Variants in CNTNAP2 observed in about 807,000 individuals in gnomAD.
The protein encoded by CNTNAP2 is contactin associated protein 2.
CNTNAP2 carries 98 observed loss-of-function variants against 155.2 expected under a neutral mutation model. The observed-to-expected ratio is 0.63, with a 90% CI of 0.54 to 0.75. CNTNAP2 has a LOEUF of 0.75. Among genes scored for constraint, CNTNAP2 ranks in the 30% least tolerant of loss-of-function variants. The pLI, the probability that CNTNAP2 is intolerant of heterozygous loss-of-function variation, is 0.00. For synonymous variants in CNTNAP2, 651 were observed against 631.2 expected (o/e 1.03, Z -0.47); for missense variants, 1,727 against 1,688.1 (o/e 1.02, Z -0.40).
At chr7:147,621,597 T>G (rs766539269) in intron 12 of CNTNAP2, among the ~76,000 whole-genome samples, 1 of 151,962 alleles carries the variant, frequency 6.6e-6, no homozygotes. Flanking sequence ...TAAGATAGTA[T>G]TTGGAAGCCC....
At chr7:147,864,482 G>C (rs140089772) in intron 13 of CNTNAP2, among the ~76,000 whole-genome samples, 87,950 of 149,190 alleles carry the variant, frequency 0.59, 26,177 homozygotes, top group Middle Eastern at 0.7. Flanking sequence ...TTGGTAGCTT[G>C]ATGGGGATGG....
chr7:147,011,040 C>A (rs138495625), intron 3 of CNTNAP2, among the ~76,000 whole-genome samples: 167 of 152,114 alleles, frequency 1.1e-3, no homozygotes, highest in African/African-American at 3.9e-3. Context: ...TGCCAAAATA[C>A]CTACCCTGAA....
chr7:147,194,544 G>T (rs988999323), intron 8 of CNTNAP2, among the ~76,000 whole-genome samples: 1 of 152,138 alleles, frequency 6.6e-6, no homozygotes, highest in Non-Finnish European at 1.5e-5. Flanking sequence ...CCCACCAACA[G>T]TGTAAAAGTG....
At chr7:147,698,285 G>C (rs138110033) in intron 13 of CNTNAP2, among the ~76,000 whole-genome samples, 14 of 152,102 alleles carry the variant, frequency 9.2e-5, no homozygotes, top group Admixed American at 1.3e-4. Context: ...TTATTTTTCA[G>C]TTATGGCTTT....
At chr7:146,446,520 A>C (rs1796404788) in intron 1 of CNTNAP2, among the ~76,000 whole-genome samples, 1 of 152,154 alleles carries the variant, frequency 6.6e-6, no homozygotes, top group African/African-American at 2.4e-5. Flanking sequence ...ATTCTTAAAA[A>C]CAAATCCCTA....
chr7:146,480,020 G>A (rs995247016), intron 1 of CNTNAP2, among the ~76,000 whole-genome samples: 8 of 152,042 alleles, frequency 5.3e-5, no homozygotes, highest in African/African-American at 1.9e-4. Context: ...CCTGACCTTG[G>A]GTGATTCACC....
At chr7:148,260,830 A>G (rs1796545978) in intron 20 of CNTNAP2, among the ~76,000 whole-genome samples, 1 of 152,188 alleles carries the variant, frequency 6.6e-6, no homozygotes, top group African/African-American at 2.4e-5. Flanking sequence ...ACGCAAGCCA[A>G]TGTTTACAGG....
intron 8 of CNTNAP2, among the ~76,000 whole-genome samples, chr7:147,170,061 A>G (rs1028510314): frequency 6.6e-6 from 1 of 151,324 alleles, no homozygotes. Flanking sequence ...ATTCTTTCTC[A>G]TCTTGGTGGG....
chr7:146,945,458 C>T (rs1331632799), intron 3 of CNTNAP2, among the ~76,000 whole-genome samples: 1 of 151,908 alleles, frequency 6.6e-6, no homozygotes, highest in Non-Finnish European at 1.5e-5. Context: ...TGAATCAAAT[C>T]GTAACAGAAA....
intron 3 of CNTNAP2, among the ~76,000 whole-genome samples, chr7:146,961,329 A>G (rs574769721): frequency 1.3e-5 from 2 of 152,274 alleles, no homozygotes; most frequent in South Asian, 4.1e-4. Flanking sequence ...CCATTAGCCC[A>G]CATGTAGGGA....
chr7:147,759,602 A>G (rs1180124230), intron 13 of CNTNAP2, among the ~76,000 whole-genome samples: 2 of 152,160 alleles, frequency 1.3e-5, no homozygotes, highest in African/African-American at 4.8e-5. Context: ...TAATAATTCA[A>G]AGGATGCAGA....
intron 13 of CNTNAP2, among the ~76,000 whole-genome samples, chr7:147,687,192 G>A (rs1796027454): frequency 6.6e-6 from 1 of 152,018 alleles, no homozygotes; most frequent in Admixed American, 6.6e-5. Flanking sequence ...TACTTTTGTT[G>A]GAATGAATTC....
chr7:148,181,748 T>C (rs1795041090), intron 18 of CNTNAP2, among the ~76,000 whole-genome samples: 1 of 63,698 alleles, frequency 1.6e-5, no homozygotes, highest in Non-Finnish European at 3.0e-5. Flanking sequence ...GCCCTTTTTT[T>C]TTTTTTTTTT....
chr7:146,626,901 A>T (rs532722631), intron 1 of CNTNAP2, among the ~76,000 whole-genome samples: 6 of 152,216 alleles, frequency 3.9e-5, no homozygotes, highest in African/African-American at 1.4e-4. Context: ...GCCTAACTTC[A>T]TTGGGTCATC....
In CNTNAP2 at chr7:146,502,149, T is replaced by G. The variant is rs549743591; in HGVS notation, c.98-272122T>G. Among the ~76,000 whole-genome samples, 4 of 150,130 alleles carry G rather than the reference T, an allele frequency of 2.7e-5. No homozygotes were observed. The South Asian group carries it at 8.5e-4, about 32-fold the overall frequency. On this transcript the variant is annotated intron_variant, in intron 1 of 23. Transcript: ENST00000361727. Reference sequence around the variant, plus strand: ...TTATTTACCATAATGTCTATTTCCATCCAAGTGGCTGCAAATAACAGGATT... The same window carrying G: ...TTATTTACCATAATGTCTATTTCCAGCCAAGTGGCTGCAAATAACAGGATT...
At chr7:146,647,840 A>G (rs372987199) in intron 1 of CNTNAP2, among the ~76,000 whole-genome samples, 9 of 152,304 alleles carry the variant, frequency 5.9e-5, no homozygotes, top group African/African-American at 1.4e-4. Context: ...CTACTAATCT[A>G]TAGTCATCCT....
At chr7:147,366,759 AT>A (rs1420908439) in intron 9 of CNTNAP2, among the ~76,000 whole-genome samples, 3 of 144,658 alleles carry the variant, frequency 2.1e-5, no homozygotes, top group Non-Finnish European at 3.0e-5. Flanking sequence ...TTTTTAAGTG[AT>A]TTTTTACGAA....
intron 11 of CNTNAP2, among the ~76,000 whole-genome samples, chr7:147,505,216 A>G (rs560681784): frequency 6.6e-6 from 1 of 152,296 alleles, no homozygotes; most frequent in African/African-American, 2.4e-5. Context: ...ATTAAAATCC[A>G]AAGTTAATTT....
At chr7:147,254,247 C>A (rs547909716) in intron 8 of CNTNAP2, among the ~76,000 whole-genome samples, 1 of 152,120 alleles carries the variant, frequency 6.6e-6, no homozygotes, top group Non-Finnish European at 1.5e-5. Flanking sequence ...CATTCTTGCT[C>A]GCCTTTTCCT....
Sources: allele counts gnomAD v4.1 joint callset (sites outside exome capture counted in the v4.1 genomes callset), GRCh38; gene constraint gnomAD v4.1.1; transcripts MANE v1.5; gene names NCBI Gene and HGNC (gene_info 2026-07-23, HGNC 2026-07-21).